G3BP2: variants seen among roughly 807,000 people sequenced by gnomAD.
G3BP2 encodes the protein ras GTPase-activating protein-binding protein 2.
G3BP2 carries 11 observed loss-of-function variants against 56.7 expected under a neutral mutation model. The observed-to-expected ratio is 0.19, with a 90% confidence interval of 0.12 to 0.32. The LOEUF (loss-of-function observed/expected upper bound fraction) is 0.32, where lower values mean the gene tolerates loss of function less well. Ranked by LOEUF, G3BP2 falls within the 10% of genes least tolerant of loss-of-function variation. The pLI is 1.00. For synonymous variants in G3BP2, 165 were observed against 191.6 expected, an observed-to-expected ratio of 0.86 and a Z score of 1.15; for missense variants, 340 against 610.9, an observed-to-expected ratio of 0.56 and a Z score of 4.67.
At chr4:75,647,387 G>C (rs368775101) in intron 9 of G3BP2, among the ~76,000 whole-genome samples, 1 of 152,164 alleles carries the variant, frequency 6.6e-6, no homozygotes, top group African/African-American at 2.4e-5. Context: ...GCTTCTTCTA[G>C]ATCTACTGGA....
intron 3 of G3BP2, among the ~76,000 whole-genome samples, chr4:75,657,993 C>A (rs1166010324): frequency 6.6e-6 from 1 of 152,172 alleles, no homozygotes; most frequent in South Asian, 2.1e-4. Context: ...GTCATTCTCA[C>A]AAATTGTGTT....
At position 75,655,232 on chromosome 4, in the gene G3BP2, T is replaced by C; in HGVS notation, c.560A>G (p.Glu187Gly). 1 of 1,610,764 alleles carries C rather than the reference T, an allele frequency of 6.2e-7. No individual in the cohort carries two copies. Among genetic ancestry groups the C allele is most frequent in the Non-Finnish European group, 8.5e-7 (1 of 1,177,694 alleles). The stretch of plus-strand genomic sequence containing the variant: ...TTCATGAGAGGATTCTTCCAAAGGC[T>C]CCTCTATGCCATTACTACAATAAAA... ...EAHPVTNGIE[E>G]PLEESSHEPE... Residue 187 changes from glutamate (E) to glycine (G), a missense_variant, in exon 7 of 12, where the codon GAG becomes GGG. Glu to Gly is a moderately conservative substitution (Grantham distance 98). This residue lies in a region of G3BP2 where 224 missense variants were observed against 332.5 expected (regional missense o/e 0.67). Transcript: ENST00000359707.
rs1719036028 is a variant in G3BP2, at chr4:75,694,804, C to T, written c.-25+26073G>A. 3.0e-6 allele frequency: 3 copies of T among 985,480 alleles called. No homozygotes were observed. The South Asian group carries it at 1.4e-4, about 46-fold the overall frequency. The allele number at this position is 985,480 out of a possible 1,614,324, so 61.0% of individuals were successfully genotyped here. ...CTATGTCTTTATACCTTACCAAGTT[C>T]CAGGAAGGATTTCAGATGGCACTAG... On this transcript the variant is annotated intron_variant, in intron 3 of 3. Coordinates refer to the G3BP2 transcript ENST00000499709.
intron 3 of G3BP2, among the ~76,000 whole-genome samples, chr4:75,719,692 C>T (rs1480768784): frequency 4.6e-5 from 7 of 151,948 alleles, no homozygotes; most frequent in Non-Finnish European, 7.4e-5. Flanking sequence ...CCAGTTTAAG[C>T]GATTCTCCTG....
intron 3 of G3BP2, among the ~76,000 whole-genome samples, chr4:75,696,336 G>A (rs1328077129): frequency 2.6e-5 from 4 of 152,098 alleles, no homozygotes; most frequent in Non-Finnish European, 5.9e-5. Flanking sequence ...CGGCTCTGCT[G>A]CCCGTTTTTA....
At chr4:75,653,841 A>T in intron 8 of G3BP2, 142 bp downstream of exon 8, 1 of 536,620 alleles carries the variant, frequency 1.9e-6, no homozygotes, top group Non-Finnish European at 3.4e-6. Flanking sequence ...TTGACATTTA[A>T]AGTGGGTGCA....
intron 8 of G3BP2, among the ~76,000 whole-genome samples, chr4:75,653,330 CTT>C (rs2148967648): frequency 6.6e-6 from 1 of 152,132 alleles, no homozygotes; most frequent in South Asian, 2.1e-4. Context: ...TGCTGATAAA[CTT>C]AATTAGAATT....
At position 75,669,274 on chromosome 4, in the gene G3BP2, C is replaced by T. The variant is rs534770419; in HGVS notation, c.-25+3934G>A. 3.1e-4 allele frequency among the ~76,000 whole-genome samples: 47 copies of T among 152,274 alleles called. No homozygotes were observed. The Middle Eastern group carries it at 0.01, about 33-fold the overall frequency. On this transcript the variant is annotated intron_variant, in intron 1 of 11. Transcript: ENST00000359707. ...CATGACCCACATATGTCCCAATACA[C>T]GCATGCACCAAAGAAAGCTATTTCC...
At position 75,648,641 on chromosome 4, in the gene G3BP2, G is replaced by A; in HGVS notation, c.926C>T (p.Pro309Leu). The change falls in exon 9 of 12, where the codon CCA becomes CTA. Residue 309 changes from proline to leucine, a missense_variant and splice_region_variant. Pro to Leu is a moderately conservative substitution (Grantham distance 98). Transcript: ENST00000359707. ...RPGFPPRGPR[P>L]GRGDMEQNDS... The stretch of plus-strand genomic sequence containing the variant: ...AGGCTATAAAGGAGCTGACTCACCT[G>A]GTCTTGGTCCTCTAGGAGGAAAACC... 1.3e-6 allele frequency: 2 copies of A among 1,540,910 alleles called. No individual in the cohort carries two copies. Among genetic ancestry groups the A allele is most frequent in the Non-Finnish European group, 1.8e-6 (2 of 1,113,692 alleles).
chr4:75,719,171 ACC>A (rs1720046134), intron 3 of G3BP2, among the ~76,000 whole-genome samples: 1 of 151,364 alleles, frequency 6.6e-6, no homozygotes, highest in African/African-American at 2.4e-5. Context: ...AAACGGTGAA[ACC>A]CCGTCTCTAC....
chr4:75,677,580 A>G (rs1488514122), upstream of G3BP2, among the ~76,000 whole-genome samples: 3 of 152,044 alleles, frequency 2.0e-5, no homozygotes, highest in Admixed American at 1.3e-4. Flanking sequence ...CAAAAAATAA[A>G]AAATAAAAAA....
chr4:75,671,564 T>C (rs937026847), intron 1 of G3BP2, among the ~76,000 whole-genome samples: 2 of 152,224 alleles, frequency 1.3e-5, no homozygotes, highest in African/African-American at 4.8e-5. Flanking sequence ...AGCATTCTGG[T>C]TCACTCTTGA....
intron 10 of G3BP2, 31 bp downstream of exon 10, chr4:75,646,998 A>G: frequency 7.0e-7 from 1 of 1,423,954 alleles, no homozygotes; most frequent in Non-Finnish European, 9.6e-7. Context: ...AAAATAATTT[A>G]AAAACTCCAA....
chr4:75,664,594 T>C lies in G3BP2; in HGVS notation c.-24-2545A>G, dbSNP rs367968361. ...GCTCCATCTCAATAAATAAATAAAG[T>C]CCTGCTTAAACTTCAGGTTGAGCTG... On this transcript the variant is annotated intron_variant, in intron 1 of 11. Transcript: ENST00000359707. 9.9e-5 allele frequency among the ~76,000 whole-genome samples: 15 copies of C among 151,308 alleles called. No individual in the cohort carries two copies. The East Asian group carries it at 2.1e-3, about 22-fold the overall frequency.
At chr4:75,716,762 G>A (rs910632892) in intron 3 of G3BP2, among the ~76,000 whole-genome samples, 8 of 150,830 alleles carry the variant, frequency 5.3e-5, no homozygotes, top group African/African-American at 9.8e-5. Flanking sequence ...TGATCCACCC[G>A]CCTTGGCCTC....
intron 3 of G3BP2, among the ~76,000 whole-genome samples, chr4:75,688,967 T>C (rs1440946212): frequency 6.6e-6 from 1 of 152,228 alleles, no homozygotes; most frequent in Non-Finnish European, 1.5e-5. Context: ...CATCCCTAGC[T>C]ATATGTTTAC....
Position 75,683,967 on chromosome 4 carries a change from G to A in G3BP2, c.-24-21918C>T, listed in dbSNP as rs1180538724. 2.0e-5 allele frequency among the ~76,000 whole-genome samples: 3 copies of A among 152,200 alleles called. No individual in the cohort carries two copies. The East Asian group carries it at 5.8e-4, about 29-fold the overall frequency. On this transcript the variant is annotated intron_variant, in intron 3 of 3. Coordinates refer to the G3BP2 transcript ENST00000499709. ...TTGTAAGGGCAATGTTGGAAGCAGA[G>A]GATTTTTTTTTTCTCTAAGCAACAA...
intron 3 of G3BP2, among the ~76,000 whole-genome samples, chr4:75,682,295 G>T (rs1177719969): frequency 6.6e-6 from 1 of 151,748 alleles, no homozygotes; most frequent in Non-Finnish European, 1.5e-5. Flanking sequence ...CACGCCTGTA[G>T]TCCCAGCTGC....
In G3BP2 at chr4:75,645,385, C is replaced by A. The variant is rs564900543; in HGVS notation, c.*45G>T. ...AAAAAAATTAACAAGAATGCAAACA[C>A]GATGAATAATGTACCACTGCCAAGA... is the stretch of plus-strand genomic sequence containing the variant. On this transcript the variant is annotated 3_prime_UTR_variant, in exon 12 of 12. Coordinates refer to ENST00000359707, the MANE Select transcript of G3BP2 (RefSeq NM_203505.3). 6 of 1,547,214 alleles carry A rather than the reference C, an allele frequency of 3.9e-6. No individual in the cohort carries two copies. In the East Asian group the frequency reaches 1.1e-4, roughly 29 times the overall value.
Sources: gnomAD v4.1 joint callset for allele counts (sites outside exome capture counted in the v4.1 genomes callset) on GRCh38, gnomAD v4.1.1 for gene constraint, gnomAD v4.1.1 regional missense constraint, MANE v1.5 for transcripts, NCBI Gene and HGNC (gene_info 2026-07-23, HGNC 2026-07-21) for gene names.